The following CSMD1 variants were observed in gnomAD, a reference collection of about 807,000 sequenced individuals.
CSMD1 encodes CUB and Sushi multiple domains 1, also known as CUB and sushi domain-containing protein 1.
In CSMD1, 213 loss-of-function variants were observed where a neutral mutation model predicts 417.5. The ratio of observed to expected loss-of-function variants is 0.51; its 90% CI spans 0.46 to 0.57. CSMD1 has a LOEUF of 0.57. Among genes scored for constraint, CSMD1 ranks in the 20% least tolerant of loss-of-function variants. The pLI is 0.00. For synonymous variants in CSMD1, 2,862 were observed against 1,736.8 expected (o/e 1.65, Z -16.11); for missense variants, 6,923 against 4,529.7 (o/e 1.53, Z -15.17).
intron 3 of CSMD1, among the ~76,000 whole-genome samples, chr8:4,124,111 C>G (rs1008269918): frequency 6.6e-6 from 1 of 151,810 alleles, no homozygotes; most frequent in African/African-American, 2.4e-5. Flanking sequence ...GAAAGAAAAA[C>G]TATTTTCTGC....
chr8:4,093,380 A>G (rs1311302487), intron 3 of CSMD1, among the ~76,000 whole-genome samples: 1 of 152,208 alleles, frequency 6.6e-6, no homozygotes, highest in East Asian at 1.9e-4. Context: ...ATTTAACGTG[A>G]TATTTAGAAA....
intron 2 of CSMD1, among the ~76,000 whole-genome samples, chr8:4,493,714 T>C (rs139469263): frequency 1.3e-5 from 2 of 152,176 alleles, no homozygotes; most frequent in African/African-American, 4.8e-5. Context: ...TCTTAAAATA[T>C]CAAAAACAAA....
chr8:3,567,927 T>C (rs921551568), intron 10 of CSMD1, among the ~76,000 whole-genome samples: 4 of 152,112 alleles, frequency 2.6e-5, no homozygotes, highest in South Asian at 2.1e-4. Flanking sequence ...TGTGTTGACA[T>C]CCCCATGGAC....
At chr8:3,511,280 G>C (rs1181736473) in intron 10 of CSMD1, among the ~76,000 whole-genome samples, 7 of 151,694 alleles carry the variant, frequency 4.6e-5, no homozygotes, top group Non-Finnish European at 7.3e-5. Flanking sequence ...ACCTAATGTA[G>C]ATGACAGGTT....
intron 67 of CSMD1, among the ~76,000 whole-genome samples, chr8:2,949,900 C>A (rs896300971): frequency 9.2e-5 from 14 of 152,206 alleles, no homozygotes; most frequent in Admixed American, 7.9e-4. Context: ...GCGTGGTTAT[C>A]AAGCGGTCTT....
chr8:4,134,604 C>A (rs115655774), intron 3 of CSMD1, among the ~76,000 whole-genome samples: 30 of 152,324 alleles, frequency 2.0e-4, no homozygotes, highest in African/African-American at 7.2e-4. Context: ...CCAACAAACA[C>A]ACCTACACAC....
chr8:4,392,219 T>C (rs1179782148), intron 3 of CSMD1, among the ~76,000 whole-genome samples: 5 of 152,188 alleles, frequency 3.3e-5, no homozygotes, highest in African/African-American at 1.2e-4. Context: ...CAGATCGTTC[T>C]AACATTTTTC....
At chr8:3,060,642 C>T (rs914982597) in intron 49 of CSMD1, among the ~76,000 whole-genome samples, 4 of 152,174 alleles carry the variant, frequency 2.6e-5, no homozygotes, top group Non-Finnish European at 5.9e-5. Flanking sequence ...TCTCCATCAA[C>T]TTGTGCTATG....
rs143799834 is a variant in CSMD1 at position 4,034,937 on chromosome 8, C to G, written c.416-2838G>C. Among the ~76,000 whole-genome samples the G allele has an allele frequency of 4.5e-3, 682 of 152,230 alleles. 1 individual carries two copies. Among genetic ancestry groups the G allele is most frequent in the Middle Eastern group, 0.017 (5 of 294 alleles). Reference sequence around the variant, plus strand: ...CAGTCATTGTCACACACGGAAAATGCAAATGAAACACTCTGGAAATGGAAC... The same window carrying G: ...CAGTCATTGTCACACACGGAAAATGGAAATGAAACACTCTGGAAATGGAAC... On this transcript the variant is annotated intron_variant, in intron 3 of 69. Transcript: ENST00000635120.
rs533049525 is a variant in CSMD1, at chr8:3,028,696, T to C, written c.7855+623A>G. Among the ~76,000 whole-genome samples the C allele has an allele frequency of 2.6e-3, 392 of 152,348 alleles. 3 individuals carry two copies. The highest frequency in any genetic ancestry group is 9.0e-3 in the African/African-American group (373 of 41,580). On this transcript the variant is annotated intron_variant, in intron 51 of 69. Transcript: ENST00000635120. ...TTCAATTTTTATTCTGGCATATTCT[T>C]ACCAAGCTGTGTATTTTATAAATTA...
intron 5 of CSMD1, among the ~76,000 whole-genome samples, chr8:3,820,819 G>C (rs186069600): frequency 6.6e-6 from 1 of 152,132 alleles, no homozygotes; most frequent in Non-Finnish European, 1.5e-5. Flanking sequence ...CCTGACCTCA[G>C]GTGATCTGCT....
intron 8 of CSMD1, among the ~76,000 whole-genome samples, chr8:3,604,132 G>C (rs570216770): frequency 1.3e-5 from 2 of 152,180 alleles, no homozygotes; most frequent in African/African-American, 2.4e-5. Context: ...AAACATGATA[G>C]TGAATAAAAC....
intron 4 of CSMD1, among the ~76,000 whole-genome samples, chr8:4,017,304 C>G (rs944931566): frequency 6.6e-6 from 1 of 152,116 alleles, no homozygotes; most frequent in South Asian, 2.1e-4. Context: ...CACATAATTT[C>G]TTTCTTTTTA....
chr8:3,106,509 A>T lies in CSMD1; in HGVS notation c.6949+19T>A. 1 of 1,457,368 alleles carries T rather than the reference A, an allele frequency of 6.9e-7. No homozygotes were observed. Among genetic ancestry groups the T allele is most frequent in the Non-Finnish European group, 9.6e-7 (1 of 1,042,536 alleles). 90.3% of individuals were successfully genotyped at this position (1,457,368 alleles called of 1,614,324 possible). ...ATGTTGAATAAGTTTATGTAGTTTT[A>T]GTATCGAACAGTGCATACCTTCACA... On this transcript the variant is annotated intron_variant, in intron 46 of 69. Transcript: ENST00000635120.
intron 28 of CSMD1, among the ~76,000 whole-genome samples, chr8:3,219,756 C>T (rs1322623806): frequency 6.6e-6 from 1 of 152,014 alleles, no homozygotes; most frequent in Non-Finnish European, 1.5e-5. Flanking sequence ...CATTAATTTG[C>T]TAAATGAGAT....
intron 3 of CSMD1, among the ~76,000 whole-genome samples, chr8:4,238,652 T>A (rs1802209062): frequency 6.6e-6 from 1 of 152,204 alleles, no homozygotes; most frequent in African/African-American, 2.4e-5. Flanking sequence ...CATTCCTGTG[T>A]CTTGAAGCCA....
chr8:4,718,511 A>G (rs1019454296), intron 1 of CSMD1, among the ~76,000 whole-genome samples: 1 of 152,152 alleles, frequency 6.6e-6, no homozygotes, highest in African/African-American at 2.4e-5. Context: ...CCCGCTGTCA[A>G]TTAATATTTT....
intron 1 of CSMD1, among the ~76,000 whole-genome samples, chr8:4,940,669 C>G (rs1371698656): frequency 5.9e-5 from 9 of 152,188 alleles, no homozygotes; most frequent in Non-Finnish European, 1.5e-5. Context: ...ACACATAAAA[C>G]AAACCAATAC....
intron 23 of CSMD1, among the ~76,000 whole-genome samples, chr8:3,321,544 G>A (rs111412475): frequency 0.019 from 2,958 of 152,166 alleles, 42 homozygotes; most frequent in Admixed American, 0.031. Context: ...CCATTACTTC[G>A]TCTAGAAATG....
Sources: allele counts gnomAD v4.1 joint callset (sites outside exome capture counted in the v4.1 genomes callset), GRCh38; gene constraint gnomAD v4.1.1; transcripts MANE v1.5; gene names NCBI Gene and HGNC (gene_info 2026-07-23, HGNC 2026-07-21).